MRPL13: variants seen among roughly 807,000 people sequenced by gnomAD.
The protein encoded by MRPL13 is mitochondrial ribosomal protein L13, also known as large ribosomal subunit protein uL13m.
In MRPL13, 33 loss-of-function variants were observed where a neutral mutation model predicts 29.0. The observed-to-expected ratio is 1.14, with a 90% CI of 0.86 to 1.52. The LOEUF (loss-of-function observed/expected upper bound fraction) is 1.52. Ranked by LOEUF, MRPL13 falls within the 40% of genes most tolerant of loss-of-function variation. The pLI is 0.00. For missense variants in MRPL13, 227 were observed against 216.7 expected (o/e 1.05, Z -0.30); for synonymous variants, 77 against 68.4 (o/e 1.13, Z -0.62).
chr8:120,413,658 T>C (rs2130461622), intron 6 of MRPL13, among the ~76,000 whole-genome samples: 2 of 152,328 alleles, frequency 1.3e-5, no homozygotes, highest in South Asian at 4.1e-4. Flanking sequence ...TTTTAACTTA[T>C]GAAACAATGT....
intron 3 of MRPL13, among the ~76,000 whole-genome samples, chr8:120,428,157 T>C (rs1191054402): frequency 7.6e-6 from 1 of 131,898 alleles, no homozygotes; most frequent in Non-Finnish European, 1.6e-5. Context: ...ACCAGACACA[T>C]ACACCAGTGG....
At chr8:120,400,278 C>T (rs2130448749) in intron 6 of MRPL13, among the ~76,000 whole-genome samples, 1 of 152,248 alleles carries the variant, frequency 6.6e-6, no homozygotes. Context: ...ATAACAGTCT[C>T]TCAGATCACA....
At chr8:120,425,553 T>G (rs192101561) in intron 3 of MRPL13, among the ~76,000 whole-genome samples, 187 bp from the exon 4 acceptor site, 40 of 152,324 alleles carry the variant, frequency 2.6e-4, no homozygotes, top group African/African-American at 9.4e-4. Flanking sequence ...TCAACTACCA[T>G]TATATCATAA....
intron 2 of MRPL13, among the ~76,000 whole-genome samples, chr8:120,440,745 AAGAAAGTC>A (rs1813111801): frequency 6.6e-6 from 1 of 151,756 alleles, no homozygotes; most frequent in South Asian, 2.1e-4. Context: ...AAATAAAGGA[AAGAAAGTC>A]AGAAAGGTAA....
At chr8:120,420,135 C>T (rs555456812) in intron 4 of MRPL13, among the ~76,000 whole-genome samples, 197 bp from the exon 5 acceptor site, 282 of 151,820 alleles carry the variant, frequency 1.9e-3, no homozygotes, top group Middle Eastern at 0.01. Flanking sequence ...TCTTTTGGCT[C>T]CATTTATTGT....
intron 1 of MRPL13, chr8:120,444,853 A>C: frequency 8.3e-6 from 3 of 359,308 alleles, no homozygotes; most frequent in East Asian, 7.5e-5. Context: ...GAAAGACATG[A>C]AAAGGGCAGA....
At chr8:120,417,539 A>G (rs1812818749) in intron 5 of MRPL13, among the ~76,000 whole-genome samples, 1 of 152,130 alleles carries the variant, frequency 6.6e-6, no homozygotes, top group Admixed American at 6.5e-5. Context: ...TAAATTAAAA[A>G]TAATTTTTGG....
chr8:120,397,419 T>C (rs538529367), intron 6 of MRPL13, among the ~76,000 whole-genome samples: 1 of 152,212 alleles, frequency 6.6e-6, no homozygotes, highest in East Asian at 1.9e-4. Flanking sequence ...CCTCACTGGA[T>C]TGGAAATCCA....
rs1813002545 is a variant in MRPL13 at position 120,432,063 on chromosome 8, T to C, written c.212A>G (p.Lys71Arg). 1 of 1,609,440 alleles carries C rather than the reference T, an allele frequency of 6.2e-7. No homozygotes were observed. The highest frequency in any genetic ancestry group is 1.3e-5 in the African/African-American group (1 of 74,684). ...NTRHIAFSGN[K>R]WEQKVYSSHT... ...CGAAGAGTATACTTTTTGTTCCCAT[T>C]TGTTTCCAGAAAATGCAATGTGTCT... Residue 71 changes from lysine (K) to arginine (R), a missense_variant, in exon 3 of 7, where the codon AAA becomes AGA. Transcript: ENST00000306185.
intron 3 of MRPL13, 26 bp from the exon 4 acceptor site, chr8:120,425,392 A>T (rs776207270): frequency 2.0e-6 from 3 of 1,531,452 alleles, no homozygotes; most frequent in Non-Finnish European, 2.7e-6. Flanking sequence ...AAGACATTAA[A>T]ACTGGGCATA....
intron 2 of MRPL13, among the ~76,000 whole-genome samples, chr8:120,433,055 T>C (rs1237391910): frequency 6.6e-6 from 1 of 152,094 alleles, no homozygotes; most frequent in Non-Finnish European, 1.5e-5. Context: ...TCATAGTCTA[T>C]ATAGGATAAG....
At chr8:120,421,810 T>G (rs1266440820) in intron 4 of MRPL13, among the ~76,000 whole-genome samples, 2 of 151,852 alleles carry the variant, frequency 1.3e-5, no homozygotes, top group Admixed American at 6.6e-5. Flanking sequence ...TATACTATAC[T>G]GCCTCCTAGT....
At chr8:120,413,855 G>A (rs1321780140) in intron 6 of MRPL13, 136 bp downstream of exon 6, 2 of 1,109,240 alleles carry the variant, frequency 1.8e-6, no homozygotes, top group Non-Finnish European at 2.4e-6. Flanking sequence ...TTATTTGTAG[G>A]TAGTAGCTGC....
chr8:120,416,649 T>C (rs956515128), intron 5 of MRPL13, among the ~76,000 whole-genome samples: 2 of 152,204 alleles, frequency 1.3e-5, no homozygotes, highest in African/African-American at 4.8e-5. Flanking sequence ...AATTTAAATT[T>C]ACACAAAAGT....
At chr8:120,441,123 G>A (rs1195372297) in intron 2 of MRPL13, among the ~76,000 whole-genome samples, 1 of 152,104 alleles carries the variant, frequency 6.6e-6, no homozygotes, top group Non-Finnish European at 1.5e-5. Flanking sequence ...GAACAGTGAT[G>A]CTATTAATTG....
intron 6 of MRPL13, among the ~76,000 whole-genome samples, chr8:120,401,755 C>T (rs568421462): frequency 4.6e-5 from 7 of 152,204 alleles, no homozygotes; most frequent in East Asian, 3.9e-4. Flanking sequence ...AAAATCCCAT[C>T]GTTTCATCCC....
chr8:120,426,884 C>A (rs751603394), intron 3 of MRPL13, among the ~76,000 whole-genome samples: 2 of 152,058 alleles, frequency 1.3e-5, no homozygotes, highest in African/African-American at 4.8e-5. Flanking sequence ...TCTGTTGATA[C>A]AACTAGTTGT....
chr8:120,402,768 C>G (rs771241687), intron 6 of MRPL13, among the ~76,000 whole-genome samples: 1 of 152,112 alleles, frequency 6.6e-6, no homozygotes, highest in Non-Finnish European at 1.5e-5. Flanking sequence ...GGTCTAATAT[C>G]CAGCATCTAC....
intron 6 of MRPL13, among the ~76,000 whole-genome samples, chr8:120,408,302 C>T (rs560017179): frequency 1.3e-5 from 2 of 152,172 alleles, no homozygotes; most frequent in African/African-American, 4.8e-5. Context: ...ATTGCCATTA[C>T]ATTCAACTGC....
Sources: allele counts gnomAD v4.1 joint callset (sites outside exome capture counted in the v4.1 genomes callset), GRCh38; gene constraint gnomAD v4.1.1; transcripts MANE v1.5; gene names NCBI Gene and HGNC (gene_info 2026-07-23, HGNC 2026-07-21).